Variants in OAT observed in about 807,000 individuals in gnomAD.
OAT encodes the protein ornithine aminotransferase, mitochondrial.
OAT carries 35 observed loss-of-function variants against 48.4 expected under a neutral mutation model. The ratio of observed to expected loss-of-function variants is 0.72; its 90% CI spans 0.55 to 0.96. The LOEUF is 0.96. Ranked by LOEUF, OAT falls within the 40% of genes least tolerant of loss-of-function variation. The pLI is 0.00. For missense variants in OAT, 438 were observed against 537.9 expected, an observed-to-expected ratio of 0.81 and a Z score of 1.84; for synonymous variants, 182 against 198.4, an observed-to-expected ratio of 0.92 and a Z score of 0.70.
intron 1 of OAT, among the ~76,000 whole-genome samples, chr10:124,417,745 G>A (rs1951964848): frequency 6.6e-6 from 1 of 152,204 alleles, no homozygotes; most frequent in Non-Finnish European, 1.5e-5. Flanking sequence ...GAAAGAACTA[G>A]CTTATCCACA....
Position 124,398,117 on chromosome 10 carries a change from T to G in OAT, c.1160-15A>C. 1 of 1,613,828 alleles carries G rather than the reference T, an allele frequency of 6.2e-7. No homozygotes were observed. The highest frequency in any genetic ancestry group is 8.5e-7 in the Non-Finnish European group (1 of 1,179,858). ...AGCATCCCAATCTAAAGAAAAATAG[T>G]AAAACGTACATGCTCAAAGATAAAC... On this transcript the variant is annotated splice_polypyrimidine_tract_variant and intron_variant, in intron 9 of 9. Coordinates refer to ENST00000368845, the MANE Select transcript of OAT (RefSeq NM_000274.4).
intron 1 of OAT, chr10:124,414,933 C>CCAG (rs148105279): frequency 0.064 from 9,615 of 151,348 alleles, 417 homozygotes; most frequent in Non-Finnish European, 0.084. Flanking sequence ...TGAATATTAG[C>CCAG]CAGGTGTGGC....
At chr10:124,401,890 T>A in intron 7 of OAT, 51 bp from the exon 8 acceptor site, 1 of 1,357,390 alleles carries the variant, frequency 7.4e-7, no homozygotes, top group Non-Finnish European at 1.0e-6. Flanking sequence ...AGCATTCTAC[T>A]AAGCATCCTT....
chr10:124,409,051 G>T, intron 2 of OAT, 86 bp from the exon 3 acceptor site: 5 of 884,154 alleles, frequency 5.7e-6, no homozygotes, highest in South Asian at 1.5e-5. Context: ...CAAGCCCTCT[G>T]AATGCCTATA....
chr10:124,418,495 A>C (rs1286733209), intron 1 of OAT, among the ~76,000 whole-genome samples: 1 of 152,162 alleles, frequency 6.6e-6, no homozygotes, highest in Non-Finnish European at 1.5e-5. Flanking sequence ...ACAGGCCGCG[A>C]GCGCAGGGGG....
In OAT at chr10:124,409,242, A is replaced by G. The variant is rs1951685303; in HGVS notation, c.200-277T>C. 2.0e-5 allele frequency among the ~76,000 whole-genome samples: 3 copies of G among 152,228 alleles called. No homozygotes were observed. In the South Asian group the frequency reaches 6.2e-4, roughly 31 times the overall value. The stretch of plus-strand genomic sequence containing the variant: ...TGGAGTAAAACCTTTACCTAATTCT[A>G]AGATTTAGGATCCAAAATTAGAATT... On this transcript the variant is annotated intron_variant, in intron 2 of 9. Transcript: ENST00000368845.
chr10:124,398,505 CA>C (rs1230591896), intron 9 of OAT, among the ~76,000 whole-genome samples: 6 of 140,566 alleles, frequency 4.3e-5, no homozygotes, highest in Admixed American at 7.1e-5. Context: ...GACACCGTCT[CA>C]AAAAAAAAAG....
intron 6 of OAT, 34 bp downstream of exon 6, chr10:124,403,764 A>G: frequency 1.2e-6 from 2 of 1,613,838 alleles, no homozygotes; most frequent in Non-Finnish European, 1.7e-6. Context: ...CTAACTCGAC[A>G]TTCAGCCTTA....
At chr10:124,410,627 A>G (rs1200544298) in intron 2 of OAT, among the ~76,000 whole-genome samples, 1 of 152,076 alleles carries the variant, frequency 6.6e-6, no homozygotes, top group Non-Finnish European at 1.5e-5. Flanking sequence ...GCAACATAGC[A>G]AAATCTAATC....
chr10:124,416,908 T>C lies in OAT; in HGVS notation c.-30+1965A>G, dbSNP rs933772468. Among the ~76,000 whole-genome samples, 13 of 151,296 alleles carry C rather than the reference T, an allele frequency of 8.6e-5. No individual in the cohort carries two copies. In the East Asian group the frequency reaches 2.5e-3, roughly 29 times the overall value. On this transcript the variant is annotated intron_variant, in intron 1 of 9. Transcript: ENST00000368845. The stretch of plus-strand genomic sequence containing the variant: ...AAAAGTTCTACCAACAGAAGTCTCT[T>C]TGACGTAATCAGTATTCTGGCTAAA...
intron 6 of OAT, 178 bp from the exon 7 acceptor site, chr10:124,403,233 G>A: frequency 1.4e-6 from 1 of 694,854 alleles, no homozygotes. Context: ...GAATCTTGTA[G>A]ACTCACCAAC....
intron 4 of OAT, chr10:124,406,146 A>C (rs1951569677): frequency 3.1e-6 from 3 of 981,544 alleles, no homozygotes; most frequent in Admixed American, 1.2e-4. Flanking sequence ...AATATTTTTT[A>C]TCCATTAATA....
chr10:124,409,853 T>G lies in OAT; in HGVS notation c.200-888A>C, dbSNP rs370436516. Among the ~76,000 whole-genome samples the G allele has an allele frequency of 3.9e-4, 59 of 152,244 alleles. No individual in the cohort carries two copies. The South Asian group carries it at 0.012, about 32-fold the overall frequency. ...CACTAATCATTAGGAAAATGCAAGT[T>G]AAAACCACAATGAGATACCATCTCA... On this transcript the variant is annotated intron_variant, in intron 2 of 9. Transcript: ENST00000368845.
chr10:124,408,417 C>T (rs1021667634), intron 4 of OAT, 125 bp downstream of exon 4: 4 of 727,200 alleles, frequency 5.5e-6, no homozygotes, highest in African/African-American at 1.8e-5. Context: ...AACTCCAGGG[C>T]TCAAAGACTC....
rs1462759717 is a variant in OAT at position 124,408,704 on chromosome 10, T to G, written c.424+37A>C. 4 of 1,583,322 alleles carry G rather than the reference T, an allele frequency of 2.5e-6. No homozygotes were observed. In the East Asian group the frequency reaches 8.9e-5, roughly 35 times the overall value. The stretch of plus-strand genomic sequence containing the variant: ...AACTATCAAAAAATAAAAAGATTAT[T>G]TTTGAGGGTATTTAACAAAAAAAGG... On this transcript the variant is annotated intron_variant, in intron 3 of 9. Coordinates refer to ENST00000368845, the MANE Select transcript of OAT (RefSeq NM_000274.4).
rs1447042236 is a variant in OAT at position 124,408,961 on chromosome 10, A to C, written c.204T>G (p.Ile68Met). Reference protein sequence around the residue: ...LPVALERGKGIYLWDVEGRKY... With the variant: ...LPVALERGKGMYLWDVEGRKY... ...TTCTGCCTTCTACATCCCATAAGTA[A>C]ATACCTAAAATACATAAGAAAGGAA... Residue 68 changes from isoleucine to methionine, a missense_variant, in exon 3 of 10, where the codon ATT becomes ATG. Coordinates refer to ENST00000368845, the MANE Select transcript of OAT (RefSeq NM_000274.4). 2 of 1,606,458 alleles carry C rather than the reference A, an allele frequency of 1.2e-6. No individual in the cohort carries two copies. Among genetic ancestry groups the C allele is most frequent in the Non-Finnish European group, 8.5e-7 (1 of 1,173,136 alleles).
intron 1 of OAT, among the ~76,000 whole-genome samples, chr10:124,417,283 CTTTTTTT>C (rs59171918): frequency 2.3e-5 from 2 of 87,046 alleles, no homozygotes; most frequent in African/African-American, 1.0e-4. Context: ...AAACTATAAG[CTTTTTTT>C]TTTTTTTTTT....
intron 1 of OAT, among the ~76,000 whole-genome samples, chr10:124,413,436 A>T (rs1276431982): frequency 3.3e-5 from 5 of 152,136 alleles, no homozygotes; most frequent in Non-Finnish European, 5.9e-5. Flanking sequence ...CTATAATCCC[A>T]GCACTTTGGG....
At chr10:124,411,643 C>G (rs922981117) in intron 2 of OAT, among the ~76,000 whole-genome samples, 1 of 152,034 alleles carries the variant, frequency 6.6e-6, no homozygotes, top group African/African-American at 2.4e-5. Flanking sequence ...TGGTGAAACC[C>G]CATCTCTACT....
Sources: gnomAD v4.1 joint callset for allele counts (sites outside exome capture counted in the v4.1 genomes callset) on GRCh38, gnomAD v4.1.1 for gene constraint, MANE v1.5 for transcripts, NCBI Gene and HGNC (gene_info 2026-07-23, HGNC 2026-07-21) for gene names.